The following DGKB variants were observed in gnomAD, a reference collection of about 807,000 sequenced individuals.
The protein encoded by DGKB is 90 kDa diacylglycerol kinase.
In DGKB, 67 loss-of-function variants were observed where a neutral mutation model predicts 114.3. The observed-to-expected ratio is 0.59, with a 90% CI of 0.48 to 0.72. The LOEUF (loss-of-function observed/expected upper bound fraction) is 0.72. DGKB is among the 30% of genes least tolerant of loss of function. The pLI is 0.00. For missense variants in DGKB, 907 were observed against 975.2 expected (o/e 0.93, Z 0.93); for synonymous variants, 398 against 323.1 (o/e 1.23, Z -2.49).
intron 20 of DGKB, among the ~76,000 whole-genome samples, chr7:14,510,722 T>C (rs1445150712): frequency 6.6e-6 from 1 of 152,180 alleles, no homozygotes; most frequent in Non-Finnish European, 1.5e-5. Context: ...TGAATCACTA[T>C]CTATGACAGC....
chr7:14,431,550 A>G (rs1272679843), intron 21 of DGKB, among the ~76,000 whole-genome samples: 1 of 152,186 alleles, frequency 6.6e-6, no homozygotes, highest in African/African-American at 2.4e-5. Flanking sequence ...CTCTTACATA[A>G]TAGACTAAGT....
At chr7:14,879,379 T>G (rs2128210502) in intron 1 of DGKB, among the ~76,000 whole-genome samples, 1 of 152,322 alleles carries the variant, frequency 6.6e-6, no homozygotes, top group South Asian at 2.1e-4. Context: ...GAACGACTGT[T>G]TCTATCACTT....
intron 1 of DGKB, among the ~76,000 whole-genome samples, chr7:14,961,878 G>T (rs182328211): frequency 5.3e-5 from 8 of 151,936 alleles, no homozygotes; most frequent in Admixed American, 2.0e-4. Context: ...CTCAGCCTCT[G>T]CTGCTCAGAG....
At chr7:14,753,006 G>A (rs1435904568) in intron 4 of DGKB, among the ~76,000 whole-genome samples, 4 of 152,134 alleles carry the variant, frequency 2.6e-5, no homozygotes, top group East Asian at 1.9e-4. Context: ...AGTAAATCTC[G>A]CCACAGTCAA....
chr7:14,184,822 C>T (rs1254651368), intron 23 of DGKB, among the ~76,000 whole-genome samples: 1 of 152,100 alleles, frequency 6.6e-6, no homozygotes. Context: ...TTAAATCCAG[C>T]GTCTCTTTAT....
chr7:14,499,882 T>A (rs954054748), intron 20 of DGKB, among the ~76,000 whole-genome samples: 13 of 151,818 alleles, frequency 8.6e-5, no homozygotes, highest in African/African-American at 3.1e-4. Context: ...ATAAGAACTG[T>A]CATAGTGAAT....
At chr7:14,284,102 T>A (rs1284259629) in intron 23 of DGKB, among the ~76,000 whole-genome samples, 1 of 152,060 alleles carries the variant, frequency 6.6e-6, no homozygotes, top group African/African-American at 2.4e-5. Flanking sequence ...AGAAAATTTT[T>A]GCAACCTGCT....
At chr7:14,426,108 G>A (rs1173757268) in intron 21 of DGKB, among the ~76,000 whole-genome samples, 1 of 152,106 alleles carries the variant, frequency 6.6e-6, no homozygotes, top group Non-Finnish European at 1.5e-5. Context: ...GAAAATGAAA[G>A]ATTTACTTCT....
At chr7:14,718,909 C>T in intron 5 of DGKB, 1 of 434,422 alleles carries the variant, frequency 2.3e-6, no homozygotes. Flanking sequence ...ACTGCCCTAT[C>T]AGCCACGGAT....
chr7:14,469,711 CAA>C (rs1780991806), intron 21 of DGKB, among the ~76,000 whole-genome samples: 2 of 151,940 alleles, frequency 1.3e-5, no homozygotes, highest in African/African-American at 4.8e-5. Flanking sequence ...TCAGATCCAA[CAA>C]AGTATTTAAG....
chr7:14,742,227 T>A (rs966298184), intron 4 of DGKB, among the ~76,000 whole-genome samples: 1 of 152,212 alleles, frequency 6.6e-6, no homozygotes, highest in African/African-American at 2.4e-5. Context: ...CTCTGTTTCT[T>A]GAAGGGCTCC....
chr7:14,707,147 T>C (rs527614597), intron 6 of DGKB, among the ~76,000 whole-genome samples: 24 of 134,154 alleles, frequency 1.8e-4, no homozygotes, highest in Non-Finnish European at 2.8e-4. Context: ...CACCACCGAT[T>C]CCACAGAAAT....
intron 21 of DGKB, among the ~76,000 whole-genome samples, chr7:14,463,686 TA>T (rs1474399024): frequency 6.6e-6 from 1 of 152,208 alleles, no homozygotes; most frequent in African/African-American, 2.4e-5. Context: ...AGTATTTATC[TA>T]GACAGAATGT....
chr7:14,800,896 C>G (rs762074140), intron 2 of DGKB, among the ~76,000 whole-genome samples: 6 of 152,030 alleles, frequency 3.9e-5, no homozygotes, highest in Non-Finnish European at 8.8e-5. Context: ...GTGAGTCACC[C>G]CGCCAGGAAA....
chr7:14,350,460 A>T (rs1304260467), intron 21 of DGKB, among the ~76,000 whole-genome samples: 1 of 152,060 alleles, frequency 6.6e-6, no homozygotes, highest in Non-Finnish European at 1.5e-5. Context: ...AAAGTAACCT[A>T]ATTAGACATG....
intron 8 of DGKB, 98 bp downstream of exon 8, chr7:14,697,997 A>AAAAG (rs3071276): frequency 1.0e-4 from 70 of 679,892 alleles, no homozygotes; most frequent in African/African-American, 7.1e-4. Context: ...GAGAAAGAAA[A>AAAAG]AAAGAAAGAA....
intron 17 of DGKB, among the ~76,000 whole-genome samples, chr7:14,589,895 C>T (rs576987717): frequency 1.3e-5 from 2 of 151,384 alleles, no homozygotes; most frequent in South Asian, 2.1e-4. Flanking sequence ...AAAATTATAC[C>T]GCCTCATAAA....
chr7:14,497,672 A>G (rs141405419), intron 20 of DGKB, among the ~76,000 whole-genome samples: 1 of 152,028 alleles, frequency 6.6e-6, no homozygotes, highest in African/African-American at 2.4e-5. Context: ...CATCACCCCA[A>G]ATAACAATAA....
intron 23 of DGKB, among the ~76,000 whole-genome samples, chr7:14,241,413 T>G (rs1256731262): frequency 6.6e-6 from 1 of 151,964 alleles, no homozygotes; most frequent in African/African-American, 2.4e-5. Flanking sequence ...TATACTATAA[T>G]TAAATATATA....
Sources: gnomAD v4.1 joint callset for allele counts (sites outside exome capture counted in the v4.1 genomes callset) on GRCh38, gnomAD v4.1.1 for gene constraint, MANE v1.5 for transcripts, NCBI Gene and HGNC (gene_info 2026-07-23, HGNC 2026-07-21) for gene names.